Variants in SEL1L3 observed in about 807,000 individuals in gnomAD.
SEL1L3 encodes the protein protein sel-1 homolog 3.
Under a neutral mutation model 142.8 loss-of-function variants are expected in SEL1L3, and 76 were observed. The observed-to-expected ratio is 0.53, with a 90% CI of 0.44 to 0.64. The LOEUF (loss-of-function observed/expected upper bound fraction) is 0.64, where lower values mean the gene tolerates loss of function less well. Among genes scored for constraint, SEL1L3 ranks in the 30% least tolerant of loss-of-function variants. SEL1L3 has a pLI of 0.00. For synonymous variants in SEL1L3, 504 were observed against 519.6 expected, an observed-to-expected ratio of 0.97 and a Z score of 0.41; for missense variants, 1,262 against 1,381.7, an observed-to-expected ratio of 0.91 and a Z score of 1.37.
At chr4:25,736,380 C>A in the SEL1L3 span, among the ~76,000 whole-genome samples, 1 of 151,796 alleles carries the variant, frequency 6.6e-6, no homozygotes, top group Non-Finnish European at 1.5e-5. Flanking sequence ...CTCACCACCA[C>A]GCCTAGCTAA....
chr4:25,805,390 G>A (rs568223829), intron 9 of SEL1L3, among the ~76,000 whole-genome samples: 29 of 152,298 alleles, frequency 1.9e-4, no homozygotes, highest in African/African-American at 7.0e-4. Flanking sequence ...GAGGCCTGGA[G>A]AAGAATAACT....
chr4:25,841,826 G>A (rs570913607), intron 2 of SEL1L3, among the ~76,000 whole-genome samples: 2 of 152,268 alleles, frequency 1.3e-5, no homozygotes, highest in Non-Finnish European at 1.5e-5. Context: ...TGGGTGTGGT[G>A]GCACGTGTCT....
At chr4:25,715,847 G>A in the SEL1L3 span, among the ~76,000 whole-genome samples, 1 of 151,940 alleles carries the variant, frequency 6.6e-6, no homozygotes, top group African/African-American at 2.4e-5. Context: ...ACTAATATTT[G>A]GATTAAAAAA....
At chr4:25,793,159 C>T (rs34588529) in intron 11 of SEL1L3, among the ~76,000 whole-genome samples, 31,028 of 152,172 alleles carry the variant, frequency 0.2, 3,694 homozygotes, top group Middle Eastern at 0.3. Context: ...GATAGTTCTT[C>T]AAATTGAGGA....
chr4:25,862,632 G>A (rs1329080080), intron 1 of SEL1L3, 43 bp downstream of exon 1: 2 of 1,133,122 alleles, frequency 1.8e-6, no homozygotes, highest in Non-Finnish European at 2.2e-6. Flanking sequence ...CGTCCCCGGG[G>A]CCCCGCGCGG....
At chr4:25,772,742 T>C (rs1199144185) in intron 17 of SEL1L3, among the ~76,000 whole-genome samples, 3 of 152,116 alleles carry the variant, frequency 2.0e-5, no homozygotes, top group Non-Finnish European at 4.4e-5. Flanking sequence ...GTTACAGCAG[T>C]GAATATGAAT....
intron 20 of SEL1L3, among the ~76,000 whole-genome samples, chr4:25,761,444 C>A (rs1718372430): frequency 1.3e-5 from 2 of 152,294 alleles, no homozygotes; most frequent in East Asian, 3.9e-4. Context: ...GGTTGAGCCA[C>A]CGCGCCCAGC....
the SEL1L3 span, among the ~76,000 whole-genome samples, chr4:25,714,420 G>A: frequency 6.6e-6 from 1 of 151,846 alleles, no homozygotes; most frequent in Non-Finnish European, 1.5e-5. Context: ...GGGATGAAAA[G>A]GATTATTCAA....
At chr4:25,826,863 C>G (rs995849973) in intron 6 of SEL1L3, among the ~76,000 whole-genome samples, 1 of 152,060 alleles carries the variant, frequency 6.6e-6, no homozygotes, top group African/African-American at 2.4e-5. Flanking sequence ...GGGGTTTCAC[C>G]ATGTTGCCCA....
At chr4:25,799,616 G>A (rs1577623277) in intron 11 of SEL1L3, among the ~76,000 whole-genome samples, 1 of 152,234 alleles carries the variant, frequency 6.6e-6, no homozygotes, top group East Asian at 1.9e-4. Context: ...GGGTGCACGT[G>A]GGGAGGAGAG....
chr4:25,785,930 AT>A (rs1182448025), intron 13 of SEL1L3, among the ~76,000 whole-genome samples: 1 of 152,174 alleles, frequency 6.6e-6, no homozygotes, highest in Admixed American at 6.5e-5. Flanking sequence ...TAGAATAGGG[AT>A]GTTTACACTA....
chr4:25,776,808 A>G (rs1040894240), intron 16 of SEL1L3: 2 of 151,732 alleles, frequency 1.3e-5, no homozygotes, highest in Non-Finnish European at 2.9e-5. Flanking sequence ...ATGCATAACT[A>G]AAAAGCTAAC....
chr4:25,748,608 T>C (rs1717395596), intron 23 of SEL1L3, 44 bp from the exon 24 acceptor site: 3 of 1,579,294 alleles, frequency 1.9e-6, no homozygotes, highest in Admixed American at 3.7e-5. Context: ...CTCAAAACAG[T>C]GCATTCAGAA....
At chr4:25,858,446 A>C (rs917878628) in intron 1 of SEL1L3, among the ~76,000 whole-genome samples, 2 of 152,212 alleles carry the variant, frequency 1.3e-5, no homozygotes, top group African/African-American at 4.8e-5. Context: ...TAGATGGATG[A>C]CCGAGGGTGT....
intron 20 of SEL1L3, among the ~76,000 whole-genome samples, chr4:25,763,088 T>C (rs148216666): frequency 6.2e-4 from 94 of 152,016 alleles, no homozygotes; most frequent in African/African-American, 2.0e-3. Context: ...ACCCCTGCCA[T>C]AGAATTGTCA....
At chr4:25,769,577 C>A (rs1719005340) in intron 17 of SEL1L3, among the ~76,000 whole-genome samples, 1 of 152,128 alleles carries the variant, frequency 6.6e-6, no homozygotes, top group Non-Finnish European at 1.5e-5. Context: ...GACCCAAGGC[C>A]CCAGACAGAG....
chr4:25,850,664 G>A (rs780736064), intron 1 of SEL1L3, among the ~76,000 whole-genome samples: 9 of 152,202 alleles, frequency 5.9e-5, no homozygotes, highest in Non-Finnish European at 1.2e-4. Context: ...GCAATTGCAG[G>A]AGATAGGGAA....
chr4:25,781,257 C>T (rs1719981335), intron 15 of SEL1L3, among the ~76,000 whole-genome samples: 1 of 152,126 alleles, frequency 6.6e-6, no homozygotes, highest in South Asian at 2.1e-4. Context: ...TTCATAAGAT[C>T]AGGGACTGTT....
At chr4:25,820,020 G>A in intron 7 of SEL1L3, 80 bp from the exon 8 acceptor site, 2 of 1,397,580 alleles carry the variant, frequency 1.4e-6, no homozygotes, top group Non-Finnish European at 2.0e-6. Context: ...TGTTTGGGTT[G>A]ACTTTGTTCT....
Sources: gnomAD v4.1 joint callset for allele counts (sites outside exome capture counted in the v4.1 genomes callset) on GRCh38, gnomAD v4.1.1 for gene constraint, MANE v1.5 for transcripts, NCBI Gene and HGNC (gene_info 2026-07-23, HGNC 2026-07-21) for gene names.